The following ST18 variants were observed in gnomAD, a reference collection of about 807,000 sequenced individuals.
The protein encoded by ST18 is ST18 C2H2C-type zinc finger transcription factor, also known as suppression of tumorigenicity 18 protein.
A neutral mutation model predicts 110.0 loss-of-function variants in ST18; 50 were observed. The ratio of observed to expected loss-of-function variants is 0.45; its 90% CI spans 0.36 to 0.58. ST18 has a LOEUF of 0.58. Ranked by LOEUF, ST18 falls within the 20% of genes least tolerant of loss-of-function variation. ST18 has a pLI of 0.00. For synonymous variants in ST18, 461 were observed against 452.4 expected, an observed-to-expected ratio of 1.02 and a Z score of -0.24; for missense variants, 1,306 against 1,280.1, an observed-to-expected ratio of 1.02 and a Z score of -0.31.
intron 2 of ST18, among the ~76,000 whole-genome samples, chr8:52,251,625 TCTAGA>T (rs1440115564): frequency 6.6e-6 from 1 of 152,138 alleles, no homozygotes; most frequent in Admixed American, 6.6e-5. Context: ...CAGCTCATTA[TCTAGA>T]ATGATCAATT....
intron 3 of ST18, among the ~76,000 whole-genome samples, chr8:52,222,660 C>A (rs910058263): frequency 6.6e-6 from 1 of 152,240 alleles, no homozygotes; most frequent in African/African-American, 2.4e-5. Flanking sequence ...TAACTCCACA[C>A]CCTTGGCAGA....
At chr8:52,322,130 T>G (rs938360858) in intron 2 of ST18, among the ~76,000 whole-genome samples, 1 of 152,230 alleles carries the variant, frequency 6.6e-6, no homozygotes, top group Non-Finnish European at 1.5e-5. Context: ...TAGGGTTCTT[T>G]GAAATTTTTG....
chr8:52,192,218 CCAACATGG>C (rs1392596398), intron 8 of ST18, among the ~76,000 whole-genome samples: 1 of 152,150 alleles, frequency 6.6e-6, no homozygotes, highest in Non-Finnish European at 1.5e-5. Flanking sequence ...ATGAATCCTC[CCAACATGG>C]CACCATTCCT....
At chr8:52,359,210 A>C (rs944710204) in intron 2 of ST18, among the ~76,000 whole-genome samples, 1 of 152,072 alleles carries the variant, frequency 6.6e-6, no homozygotes, top group Non-Finnish European at 1.5e-5. Flanking sequence ...TCAACAAACT[A>C]TAATAGAAAG....
chr8:52,388,624 C>T (rs991788101), intron 2 of ST18, among the ~76,000 whole-genome samples: 2 of 151,754 alleles, frequency 1.3e-5, no homozygotes, highest in African/African-American at 2.4e-5. Context: ...GATGGCGTAA[C>T]GGTCAGCAGG....
rs545797454 is a variant in ST18 at position 52,231,718 on chromosome 8, G to A, written c.-464-1641C>T. Among the ~76,000 whole-genome samples, 9 of 152,242 alleles carry A rather than the reference G, an allele frequency of 5.9e-5. No individual in the cohort carries two copies. The South Asian group carries it at 6.2e-4, about 11-fold the overall frequency. Reference sequence around the variant, plus strand: ...TCTTGATCTCTTGACCTCGTGATCCGCCAGCCGCGGCCTCCCAAGGTGCTG... The same window carrying A: ...TCTTGATCTCTTGACCTCGTGATCCACCAGCCGCGGCCTCCCAAGGTGCTG... On this transcript the variant is annotated intron_variant, in intron 2 of 25. Coordinates refer to ENST00000689386, the MANE Select transcript of ST18 (RefSeq NM_001352837.2).
chr8:52,226,593 G>T (rs138857063), intron 3 of ST18, among the ~76,000 whole-genome samples: 1 of 152,082 alleles, frequency 6.6e-6, no homozygotes, highest in African/African-American at 2.4e-5. Context: ...TTTCTCTAAA[G>T]CCCCTTCCTG....
intron 2 of ST18, among the ~76,000 whole-genome samples, chr8:52,350,381 C>T (rs962945347): frequency 2.6e-5 from 4 of 152,092 alleles, no homozygotes; most frequent in African/African-American, 9.7e-5. Context: ...TTCTGGTGAT[C>T]TCCTGTGTAC....
chr8:52,320,458 A>T (rs1168935935), intron 2 of ST18, among the ~76,000 whole-genome samples: 3 of 152,214 alleles, frequency 2.0e-5, no homozygotes, highest in African/African-American at 7.2e-5. Flanking sequence ...TCCATGTAAA[A>T]CATGTAATTC....
chr8:52,135,568 C>CAAAAAAAAAAAAAAAAAAAAAA (rs71252929), intron 19 of ST18, among the ~76,000 whole-genome samples: 1 of 56,148 alleles, frequency 1.8e-5, no homozygotes, highest in Non-Finnish European at 3.7e-5. Flanking sequence ...AACTCCATCT[C>CAAAAAAAAAAAAAAAAAAAAAA]AAAAAAAAAA....
In ST18 at chr8:52,228,772, T is replaced by C. The variant is rs926624531; in HGVS notation, c.-419+1260A>G. On this transcript the variant is annotated intron_variant, in intron 3 of 25. Transcript: ENST00000689386. ...CAGGTAGAAAGAGGTAGAACCAGGATTCACATGGCCACCATCTGCTTTCAA... is the reference window on the plus strand; with the variant it reads ...CAGGTAGAAAGAGGTAGAACCAGGACTCACATGGCCACCATCTGCTTTCAA... Among the ~76,000 whole-genome samples the C allele has an allele frequency of 2.0e-5, 3 of 152,052 alleles. No individual in the cohort carries two copies. In the East Asian group the frequency reaches 5.8e-4, roughly 29 times the overall value.
intron 2 of ST18, among the ~76,000 whole-genome samples, chr8:52,357,116 T>C (rs953109758): frequency 3.3e-5 from 5 of 152,140 alleles, no homozygotes; most frequent in African/African-American, 1.2e-4. Context: ...TATATATTTA[T>C]GGGGCACATG....
chr8:52,190,380 G>A (rs1355947842), intron 8 of ST18, among the ~76,000 whole-genome samples: 1 of 152,042 alleles, frequency 6.6e-6, no homozygotes, highest in African/African-American at 2.4e-5. Flanking sequence ...AAACTTATAG[G>A]ATGCATGGCT....
chr8:52,352,689 A>C (rs1040631117), intron 2 of ST18, among the ~76,000 whole-genome samples: 22 of 152,206 alleles, frequency 1.4e-4, no homozygotes, highest in African/African-American at 4.8e-4. Flanking sequence ...ACTCATGAAG[A>C]AGCCACTGTC....
chr8:52,116,357 T>C lies in ST18; in HGVS notation c.2921A>G (p.Asn974Ser), dbSNP rs761558739. The change falls in exon 25 of 26, where the codon AAC becomes AGC. Residue 974 changes from asparagine to serine, a missense_variant. Coordinates refer to ENST00000689386, the MANE Select transcript of ST18 (RefSeq NM_001352837.2). ...IEEENKLIEQ[N>S]NESLLKELAG... The stretch of plus-strand genomic sequence containing the variant: ...CAGCTCTTTCAGCAGACTTTCATTG[T>C]TCTGTTCTATGAGTTTGTTCTCCTC... The C allele has an allele frequency of 9.3e-6, 15 of 1,614,036 alleles. 1 individual carries two copies. In the South Asian group the frequency reaches 1.5e-4, roughly 17 times the overall value.
At chr8:52,264,751 A>G (rs954546071) in intron 2 of ST18, among the ~76,000 whole-genome samples, 3 of 152,248 alleles carry the variant, frequency 2.0e-5, no homozygotes, top group Non-Finnish European at 4.4e-5. Context: ...TACTGAAGAC[A>G]AATCTAGACT....
chr8:52,297,892 T>C (rs1388482579), intron 2 of ST18, among the ~76,000 whole-genome samples: 1 of 152,242 alleles, frequency 6.6e-6, no homozygotes, highest in Non-Finnish European at 1.5e-5. Context: ...TTCACAGAAG[T>C]TGTCTAAAAC....
chr8:52,284,760 G>A (rs887778513), intron 2 of ST18, among the ~76,000 whole-genome samples: 13 of 152,238 alleles, frequency 8.5e-5, no homozygotes, highest in Middle Eastern at 3.4e-3. Flanking sequence ...AAATGGACTA[G>A]GAAATGTGAA....
intron 2 of ST18, among the ~76,000 whole-genome samples, chr8:52,333,300 T>TA (rs35596796): frequency 0.024 from 3,444 of 142,502 alleles, 33 homozygotes; most frequent in Non-Finnish European, 0.024. Context: ...CATTTTCTAT[T>TA]AAAAAAAAAA....
Sources: gnomAD v4.1 joint callset for allele counts (sites outside exome capture counted in the v4.1 genomes callset) on GRCh38, gnomAD v4.1.1 for gene constraint, MANE v1.5 for transcripts, NCBI Gene and HGNC (gene_info 2026-07-23, HGNC 2026-07-21) for gene names.